HERC4: variants seen among roughly 807,000 people sequenced by gnomAD.
HERC4 encodes HECT and RLD domain containing E3 ubiquitin protein ligase 4, also known as probable E3 ubiquitin-protein ligase HERC4.
HERC4 carries 28 observed loss-of-function variants against 124.3 expected under a neutral mutation model. The observed-to-expected ratio is 0.23, with a 90% CI of 0.17 to 0.31. HERC4 has a LOEUF of 0.31. Among genes scored for constraint, HERC4 ranks in the 10% least tolerant of loss-of-function variants. The pLI is 1.00. For synonymous variants in HERC4, 407 were observed against 421.5 expected, an observed-to-expected ratio of 0.97 and a Z score of 0.42; for missense variants, 713 against 1,229.3, an observed-to-expected ratio of 0.58 and a Z score of 6.28.
chr10:67,947,839 CTTTTT>C (rs34189806), intron 19 of HERC4, among the ~76,000 whole-genome samples: 2 of 107,304 alleles, frequency 1.9e-5, no homozygotes, highest in African/African-American at 7.6e-5. Context: ...ACAATACACT[CTTTTT>C]TTTTTTTTTT....
At position 67,953,824 on chromosome 10, in the gene HERC4, T is replaced by A. The variant is rs1316833881; in HGVS notation, c.2337+771A>T. 4.6e-5 allele frequency among the ~76,000 whole-genome samples: 7 copies of A among 152,072 alleles called. No individual in the cohort carries two copies. In the East Asian group the frequency reaches 1.3e-3, roughly 29 times the overall value. The stretch of plus-strand genomic sequence containing the variant: ...ATACAGAAGTATCCAAGCTAATAAA[T>A]GAAAAAGAAATATTAGAGTAGCACA... On this transcript the variant is annotated intron_variant, in intron 19 of 24. Transcript: ENST00000373700.
chr10:67,967,069 T>G (rs1432572915), intron 15 of HERC4, among the ~76,000 whole-genome samples: 1 of 152,214 alleles, frequency 6.6e-6, no homozygotes, highest in Non-Finnish European at 1.5e-5. Context: ...TTAGCCAGGA[T>G]GGTCTCGATC....
At chr10:67,953,934 T>C (rs2033975811) in intron 19 of HERC4, among the ~76,000 whole-genome samples, 1 of 152,192 alleles carries the variant, frequency 6.6e-6, no homozygotes, top group Non-Finnish European at 1.5e-5. Context: ...GCAGAATGAT[T>C]AAATATTACA....
intron 3 of HERC4, among the ~76,000 whole-genome samples, chr10:68,048,789 T>A (rs1166841352): frequency 1.3e-5 from 2 of 152,192 alleles, no homozygotes; most frequent in Non-Finnish European, 2.9e-5. Flanking sequence ...TATTTTCTGC[T>A]CAGTTTTGCC....
At chr10:67,963,469 G>C (rs889729969) in intron 16 of HERC4, among the ~76,000 whole-genome samples, 7 of 152,042 alleles carry the variant, frequency 4.6e-5, no homozygotes, top group African/African-American at 1.7e-4. Flanking sequence ...TGCCCACCTC[G>C]GCCTCCCAAA....
chr10:68,061,436 G>A (rs1031987816), intron 3 of HERC4, among the ~76,000 whole-genome samples: 1 of 149,916 alleles, frequency 6.7e-6, no homozygotes, highest in Non-Finnish European at 1.5e-5. Flanking sequence ...GGGAGGCTGA[G>A]GCAGGAGAAT....
Position 68,026,825 on chromosome 10 carries a change from AG to A in HERC4, c.778-1150del, listed in dbSNP as rs548379066. Among the ~76,000 whole-genome samples the A allele has an allele frequency of 2.1e-3, 317 of 151,842 alleles. 3 individuals carry two copies. The highest frequency in any genetic ancestry group is 0.01 in the Middle Eastern group (3 of 294). ...GCCACTGCACTCCAGCCTGGGCGAC[AG>A]AAAGACTCCGTCTCAAAAAAAAAAA... On this transcript the variant is annotated intron_variant, in intron 7 of 24. Transcript: ENST00000373700.
At chr10:68,009,580 T>C (rs1362276769) in intron 9 of HERC4, among the ~76,000 whole-genome samples, 1 of 152,216 alleles carries the variant, frequency 6.6e-6, no homozygotes, top group African/African-American at 2.4e-5. Flanking sequence ...TTGTCAACAT[T>C]GATGGCTACT....
chr10:67,976,916 C>A (rs975430948), intron 15 of HERC4, among the ~76,000 whole-genome samples: 9 of 152,178 alleles, frequency 5.9e-5, no homozygotes, highest in African/African-American at 2.2e-4. Context: ...TTCCTGCAAG[C>A]CTCACCATGG....
At chr10:68,059,843 T>TATTATATATC (rs1564609898) in intron 3 of HERC4, among the ~76,000 whole-genome samples, 1 of 26,310 alleles carries the variant, frequency 3.8e-5, no homozygotes, top group African/African-American at 4.3e-4. Flanking sequence ...TATATTATAA[T>TATTATATATC]ATATTATATA....
At chr10:67,939,525 G>T in intron 21 of HERC4, 63 bp downstream of exon 21, 1 of 1,140,468 alleles carries the variant, frequency 8.8e-7, no homozygotes, top group Non-Finnish European at 1.3e-6. Context: ...AAAACCCTAA[G>T]ACACGGCTGT....
chr10:68,001,589 C>G (rs190442894), intron 9 of HERC4, among the ~76,000 whole-genome samples: 1 of 152,132 alleles, frequency 6.6e-6, no homozygotes. Flanking sequence ...ATAAAATATA[C>G]ATAAAATTTA....
In HERC4 at chr10:68,069,817, C is replaced by T. The variant is rs182753266; in HGVS notation, c.226+3066G>A. On this transcript the variant is annotated intron_variant, in intron 3 of 24. Transcript: ENST00000373700. The stretch of plus-strand genomic sequence containing the variant: ...CAGCACTCTGGGAGGCCAAGGCGGG[C>T]AGATCACAAGGTCAGGATATCAAGA... 6.1e-5 allele frequency: 49 copies of T among 807,824 alleles called. No individual in the cohort carries two copies. In the East Asian group the frequency reaches 5.1e-3, roughly 85 times the overall value. 50.0% of individuals were successfully genotyped at this position (807,824 alleles called of 1,614,324 possible). A position where few individuals can be genotyped will look rare whatever the true frequency, so the allele number is the denominator to read the frequency against.
chr10:68,048,358 A>G (rs954547376), intron 3 of HERC4, among the ~76,000 whole-genome samples: 3 of 152,212 alleles, frequency 2.0e-5, no homozygotes, highest in Non-Finnish European at 4.4e-5. Context: ...TGAGCTACCA[A>G]GCCATGAAAA....
Position 67,988,807 on chromosome 10 carries a change from T to C in HERC4, c.1662A>G (p.Pro554=). Residue 554 remains proline (P), a synonymous_variant, in exon 15 of 25, where the codon CCA becomes CCG. Coordinates refer to ENST00000373700, the MANE Select transcript of HERC4 (RefSeq NM_015601.4). ...LENWWSVLEP[P]LFLKIVELFK... is the part of the protein sequence containing the mutation. ...AAAGTTCTACTATCTTGAGGAATAG[T>C]GGAGGTTCAAGTACTGACCACCAGT... 1 of 1,605,570 alleles carries C rather than the reference T, an allele frequency of 6.2e-7. No individual in the cohort carries two copies. Among genetic ancestry groups the C allele is most frequent in the Non-Finnish European group, 8.5e-7 (1 of 1,176,570 alleles).
rs1488081540 is a variant in HERC4 at position 68,039,115 on chromosome 10, T to G, written c.387-946A>C. 6.9e-5 allele frequency among the ~76,000 whole-genome samples: 10 copies of G among 145,758 alleles called. No homozygotes were observed. In the East Asian group the frequency reaches 2.0e-3, roughly 29 times the overall value. ...GTCAGTCAGGAGTTTGAGACCAGACTGGCCAACCTGGTGAAACACTGTCTC... is the reference window on the plus strand; with the variant it reads ...GTCAGTCAGGAGTTTGAGACCAGACGGGCCAACCTGGTGAAACACTGTCTC... On this transcript the variant is annotated intron_variant, in intron 4 of 24. Coordinates refer to ENST00000373700, the MANE Select transcript of HERC4 (RefSeq NM_015601.4).
At chr10:68,058,681 C>A (rs186473544) in intron 3 of HERC4, among the ~76,000 whole-genome samples, 1 of 152,102 alleles carries the variant, frequency 6.6e-6, no homozygotes, top group East Asian at 1.9e-4. Flanking sequence ...CTCCACCTCC[C>A]GGGTTCAAGT....
Position 68,046,982 on chromosome 10 carries a change from C to CA in HERC4, c.227-2420dup, listed in dbSNP as rs201088115. ...CCAGAAAAACAAACAAACAAACAAA[C>CA]AAAAAAAAACATGAAGAATTTTGGA... is the stretch of plus-strand genomic sequence containing the variant. On this transcript the variant is annotated intron_variant, in intron 3 of 24. Coordinates refer to ENST00000373700, the MANE Select transcript of HERC4 (RefSeq NM_015601.4). Among the ~76,000 whole-genome samples the CA allele has an allele frequency of 3.0e-3, 444 of 146,684 alleles. 2 individuals carry two copies. The highest frequency in any genetic ancestry group is 9.4e-3 in the African/African-American group (382 of 40,452).
intron 3 of HERC4, among the ~76,000 whole-genome samples, chr10:68,064,254 A>G (rs569529880): frequency 6.6e-6 from 1 of 152,108 alleles, no homozygotes. Context: ...CATAAAAAAT[A>G]ATTAAAAGAA....
Sources: allele counts gnomAD v4.1 joint callset (sites outside exome capture counted in the v4.1 genomes callset), GRCh38; gene constraint gnomAD v4.1.1; transcripts MANE v1.5; gene names NCBI Gene and HGNC (gene_info 2026-07-23, HGNC 2026-07-21).